The following LIN52 variants were observed in gnomAD, a reference collection of about 807,000 sequenced individuals.
LIN52 encodes the protein protein lin-52 homolog.
In LIN52, 4 loss-of-function variants were observed where a neutral mutation model predicts 18.5. The observed-to-expected ratio is 0.22, with a 90% CI of 0.11 to 0.49. The LOEUF (loss-of-function observed/expected upper bound fraction) is 0.49. LIN52 is among the 20% of genes least tolerant of loss of function. The pLI is 0.97. For synonymous variants in LIN52, 34 were observed against 45.5 expected (o/e 0.75, Z 1.02); for missense variants, 102 against 139.5 (o/e 0.73, Z 1.35).
At chr14:74,169,731 G>T (rs1308231890) in intron 5 of LIN52, among the ~76,000 whole-genome samples, 1 of 152,180 alleles carries the variant, frequency 6.6e-6, no homozygotes, top group African/African-American at 2.4e-5. Context: ...TGCCAATCAT[G>T]TGTTTCTGTT....
chr14:74,187,713 C>T (rs1048483269), intron 5 of LIN52, among the ~76,000 whole-genome samples: 2 of 152,092 alleles, frequency 1.3e-5, no homozygotes, highest in Non-Finnish European at 2.9e-5. Flanking sequence ...TTACAAGTGT[C>T]GGTTGAATTA....
chr14:74,132,157 G>A (rs2061072048), intron 5 of LIN52, among the ~76,000 whole-genome samples: 1 of 152,142 alleles, frequency 6.6e-6, no homozygotes, highest in South Asian at 2.1e-4. Flanking sequence ...GTAACTTGAG[G>A]TTCAGAGAGC....
chr14:74,181,412 C>T (rs1010369712), intron 5 of LIN52, among the ~76,000 whole-genome samples: 1 of 151,226 alleles, frequency 6.6e-6, no homozygotes, highest in African/African-American at 2.4e-5. Context: ...TGCCCTCCAG[C>T]CTGGGTGATA....
chr14:74,199,212 T>C lies in LIN52; in HGVS notation c.*235T>C. On this transcript the variant is annotated 3_prime_UTR_variant, in exon 6 of 6. Transcript: ENST00000555028. ...TCAATCAACTTTCAGACTTGAACCT[T>C]CTTAGCCTCGGATATTGGTAACAGC... is the stretch of plus-strand genomic sequence containing the variant. 1 of 414,428 alleles carries C rather than the reference T, an allele frequency of 2.4e-6. No homozygotes were observed. The highest frequency in any genetic ancestry group is 4.3e-6 in the Non-Finnish European group (1 of 232,856). The allele number at this position is 414,428 out of a possible 1,614,324, so 25.7% of individuals were successfully genotyped here. A position where few individuals can be genotyped will look rare whatever the true frequency, so the allele number is the denominator to read the frequency against.
At position 74,097,794 on chromosome 14, in the gene LIN52, C is replaced by T. The variant is rs1411353773; in HGVS notation, c.133C>T (p.Pro45Ser). ...GAATGGATATATTATTTTTTGACAG[C>T]CTATTACTAGTTCTCCACCCAAATG... Reference protein sequence around the residue: ...VAEFAASFKSPITSSPPKWMA... With the variant: ...VAEFAASFKSSITSSPPKWMA... The change falls in exon 4 of 6, where the codon CCT becomes TCT. Residue 45 changes from proline to serine, a missense_variant and splice_region_variant. By Grantham distance (74) the Pro-to-Ser change is moderately conservative. Transcript: ENST00000555028. 2 of 1,603,684 alleles carry T rather than the reference C, an allele frequency of 1.2e-6. No individual in the cohort carries two copies. Among genetic ancestry groups the T allele is most frequent in the Admixed American group, 3.3e-5 (2 of 59,914 alleles).
At chr14:74,142,864 CCACATTCAGT>C (rs2061137581) in intron 5 of LIN52, among the ~76,000 whole-genome samples, 1 of 145,464 alleles carries the variant, frequency 6.9e-6, no homozygotes, top group East Asian at 2.2e-4. Context: ...GGCTTGTGGG[CCACATTCAGT>C]CTGTTTGGTT....
intron 1 of LIN52, among the ~76,000 whole-genome samples, chr14:74,090,438 C>A (rs2060766142): frequency 6.6e-6 from 1 of 151,902 alleles, no homozygotes; most frequent in Admixed American, 6.6e-5. Flanking sequence ...CGGGTTTAAG[C>A]AATTCTCCTC....
At chr14:74,088,240 G>A (rs942502199) in intron 1 of LIN52, among the ~76,000 whole-genome samples, 2 of 152,182 alleles carry the variant, frequency 1.3e-5, no homozygotes, top group East Asian at 1.9e-4. Flanking sequence ...ACAGGCACAC[G>A]CCACCACACC....
At chr14:74,160,802 G>A (rs1368699120) in intron 5 of LIN52, among the ~76,000 whole-genome samples, 2 of 152,158 alleles carry the variant, frequency 1.3e-5, no homozygotes, top group African/African-American at 4.8e-5. Context: ...ATCACTCCTT[G>A]TGGTCTTGAG....
At chr14:74,161,815 C>T (rs376226491) in intron 5 of LIN52, among the ~76,000 whole-genome samples, 10 of 152,212 alleles carry the variant, frequency 6.6e-5, no homozygotes, top group African/African-American at 1.2e-4. Flanking sequence ...AGACCCTGCA[C>T]GCCAACCTGC....
At position 74,101,174 on chromosome 14, in the gene LIN52, G is replaced by A. The variant is rs200462903; in HGVS notation, c.219G>A (p.Thr73=). 4.5e-5 allele frequency: 72 copies of A among 1,611,566 alleles called. No individual in the cohort carries two copies. The African/African-American group carries it at 8.3e-4, about 19-fold the overall frequency. The part of the protein sequence containing the change: ...DMLKELGSLT[T]ANLMEKVRGL... ...TTTCAGAACTGGGGAGTCTCACCAC[G>A]GCTAATTTGATGGAGAAGGTTCGAG... The change falls in exon 5 of 6, where the codon ACG becomes ACA. Residue 73 remains threonine, a synonymous_variant. Transcript: ENST00000555028.
At chr14:74,143,470 T>C (rs1219039786) in intron 5 of LIN52, among the ~76,000 whole-genome samples, 3 of 152,142 alleles carry the variant, frequency 2.0e-5, no homozygotes, top group Non-Finnish European at 4.4e-5. Flanking sequence ...GGAGGATGCA[T>C]TTGAGCCCAA....
intron 5 of LIN52, among the ~76,000 whole-genome samples, chr14:74,163,943 C>T (rs976301726): frequency 2.6e-5 from 4 of 151,886 alleles, no homozygotes; most frequent in East Asian, 1.9e-4. Context: ...GTTACTCAAC[C>T]GGTGGATACT....
chr14:74,186,426 A>G (rs1363324778), intron 5 of LIN52, among the ~76,000 whole-genome samples: 1 of 152,228 alleles, frequency 6.6e-6, no homozygotes, highest in Admixed American at 6.5e-5. Flanking sequence ...TGCTGGGGAT[A>G]CAGCAAGAGG....
chr14:74,086,432 C>T (rs151249218), intron 1 of LIN52, among the ~76,000 whole-genome samples: 2,456 of 152,036 alleles, frequency 0.016, 28 homozygotes, highest in Middle Eastern at 0.051. Context: ...GCAGGCAGAT[C>T]GCCTGAGCTC....
intron 5 of LIN52, among the ~76,000 whole-genome samples, chr14:74,182,431 A>G (rs1164601958): frequency 6.6e-6 from 1 of 152,302 alleles, no homozygotes; most frequent in East Asian, 1.9e-4. Flanking sequence ...CCACAATGCA[A>G]ACAATTAAAA....
At chr14:74,115,495 G>T (rs889429659) in intron 5 of LIN52, among the ~76,000 whole-genome samples, 1 of 152,100 alleles carries the variant, frequency 6.6e-6, no homozygotes, top group African/African-American at 2.4e-5. Flanking sequence ...AATCTGCATT[G>T]CAAATACTGA....
chr14:74,196,755 C>A (rs80314826), intron 5 of LIN52, among the ~76,000 whole-genome samples: 1 of 152,104 alleles, frequency 6.6e-6, no homozygotes, highest in Non-Finnish European at 1.5e-5. Context: ...GAACTTACCC[C>A]CCTCTGGAAA....
chr14:74,142,661 C>G (rs1277978094), intron 5 of LIN52, among the ~76,000 whole-genome samples: 1 of 151,672 alleles, frequency 6.6e-6, no homozygotes, highest in African/African-American at 2.4e-5. Context: ...CAGCACTGCT[C>G]TAGACCAAAG....
Sources: allele counts gnomAD v4.1 joint callset (sites outside exome capture counted in the v4.1 genomes callset), GRCh38; gene constraint gnomAD v4.1.1; transcripts MANE v1.5; gene names NCBI Gene and HGNC (gene_info 2026-07-23, HGNC 2026-07-21).